LPAR1: variants seen among roughly 807,000 people sequenced by gnomAD.
LPAR1 encodes lysophosphatidic acid receptor 1.
LPAR1 carries 5 observed loss-of-function variants against 23.8 expected under a neutral mutation model. That is an observed-to-expected ratio of 0.21 (90% confidence interval 0.11 to 0.44). LPAR1 has a LOEUF of 0.44. Ranked by LOEUF, LPAR1 falls within the 20% of genes least tolerant of loss-of-function variation. The pLI, the probability that LPAR1 is intolerant of heterozygous loss-of-function variation, is 0.99. For missense variants in LPAR1, 311 were observed against 482.8 expected (o/e 0.64, Z 3.33); for synonymous variants, 160 against 164.7 (o/e 0.97, Z 0.22).
intron 4 of LPAR1, among the ~76,000 whole-genome samples, chr9:110,950,638 T>G (rs1293481213): frequency 6.6e-6 from 1 of 151,590 alleles, no homozygotes; most frequent in East Asian, 1.9e-4. Flanking sequence ...CCTATAAAAA[T>G]ACCAGAAAAA....
intron 2 of LPAR1, among the ~76,000 whole-genome samples, chr9:110,985,430 TTC>T (rs1491360630): frequency 1.2e-5 from 1 of 85,922 alleles, no homozygotes. Flanking sequence ...CTATCATTTT[TTC>T]TACAGGGCAC....
chr9:111,002,437 CTT>C (rs2097144956), intron 2 of LPAR1, among the ~76,000 whole-genome samples: 1 of 152,276 alleles, frequency 6.6e-6, no homozygotes, highest in South Asian at 2.1e-4. Context: ...TTCTAGCTCT[CTT>C]GAGGCAAAAC....
rs145336097 is a variant in LPAR1, at chr9:110,934,018, C to T, written c.793+7403G>A. 4.7e-3 allele frequency among the ~76,000 whole-genome samples: 721 copies of T among 152,342 alleles called. 7 individuals carry two copies. The highest frequency in any genetic ancestry group is 0.016 in the African/African-American group (681 of 41,574). On this transcript the variant is annotated intron_variant, in intron 5 of 5. Transcript: ENST00000683809. ...AAGCACTGTGGGACTTTTGCAAGGA[C>T]TGTCTCCTGGCCACCACCCATGGTG...
chr9:111,035,728 G>T (rs1391322959), intron 2 of LPAR1, among the ~76,000 whole-genome samples: 3 of 152,128 alleles, frequency 2.0e-5, no homozygotes, highest in African/African-American at 7.2e-5. Context: ...TCAAAGAAAA[G>T]GAAGACAGGC....
intron 2 of LPAR1, among the ~76,000 whole-genome samples, chr9:110,986,787 C>G (rs1441967202): frequency 6.6e-6 from 1 of 152,064 alleles, no homozygotes; most frequent in Non-Finnish European, 1.5e-5. Context: ...AGAGAGTTCT[C>G]TTAACAGAGA....
At chr9:110,976,336 C>CAAA (rs11356512) in intron 2 of LPAR1, among the ~76,000 whole-genome samples, 3 of 126,756 alleles carry the variant, frequency 2.4e-5, no homozygotes, top group African/African-American at 3.0e-5. Context: ...ACTAAAAATA[C>CAAA]AAAAAAAAAA....
intron 2 of LPAR1, among the ~76,000 whole-genome samples, chr9:110,979,404 AG>A (rs1297962778): frequency 1.3e-5 from 2 of 152,116 alleles, no homozygotes; most frequent in African/African-American, 4.8e-5. Context: ...AAAAGAGTAA[AG>A]GAAATGGGGT....
intron 2 of LPAR1, among the ~76,000 whole-genome samples, chr9:110,996,380 G>A (rs1244080788): frequency 6.6e-6 from 1 of 151,992 alleles, no homozygotes; most frequent in African/African-American, 2.4e-5. Flanking sequence ...AACATAGCAA[G>A]ATGCCATCTC....
At chr9:110,923,206 T>C (rs2093760976) in intron 5 of LPAR1, among the ~76,000 whole-genome samples, 1 of 152,202 alleles carries the variant, frequency 6.6e-6, no homozygotes, top group Admixed American at 6.5e-5. Context: ...CATGGCAATA[T>C]GATAATCTGA....
intron 2 of LPAR1, among the ~76,000 whole-genome samples, chr9:111,017,151 G>C (rs2097465319): frequency 6.6e-6 from 1 of 152,120 alleles, no homozygotes; most frequent in Non-Finnish European, 1.5e-5. Flanking sequence ...ACAGCAAAAT[G>C]CGTGGCCCTT....
At chr9:110,914,866 C>T (rs897460109) in intron 5 of LPAR1, among the ~76,000 whole-genome samples, 7 of 152,128 alleles carry the variant, frequency 4.6e-5, no homozygotes, top group African/African-American at 1.4e-4. Context: ...TTTTAGCTCT[C>T]GAGCTAAGAC....
intron 4 of LPAR1, among the ~76,000 whole-genome samples, chr9:110,943,726 G>A (rs1247613972): frequency 6.6e-6 from 1 of 151,982 alleles, no homozygotes; most frequent in Non-Finnish European, 1.5e-5. Flanking sequence ...CAGACATGGT[G>A]GTGGGCACCT....
chr9:111,007,762 T>C (rs1169679411), intron 2 of LPAR1, among the ~76,000 whole-genome samples: 1 of 152,158 alleles, frequency 6.6e-6, no homozygotes, highest in East Asian at 1.9e-4. Context: ...CAATCCTACT[T>C]CAAGATGTTT....
At chr9:110,955,391 C>A (rs183387526) in intron 4 of LPAR1, among the ~76,000 whole-genome samples, 2 of 152,200 alleles carry the variant, frequency 1.3e-5, no homozygotes, top group East Asian at 1.9e-4. Context: ...TGTAACAATT[C>A]TAAACATATA....
rs1428092731 is a variant in LPAR1 at position 110,874,287 on chromosome 9, A to G, written c.*1134T>C. On this transcript the variant is annotated 3_prime_UTR_variant, in exon 6 of 6. Coordinates refer to ENST00000683809, the MANE Select transcript of LPAR1 (RefSeq NM_001351411.2). ...TTGCATCCATTAAATGGAATATAATATAGCCATTAAAATTATGTTTTTGTA... is the reference window on the plus strand; with the variant it reads ...TTGCATCCATTAAATGGAATATAATGTAGCCATTAAAATTATGTTTTTGTA... 2 of 152,622 alleles carry G rather than the reference A, an allele frequency of 1.3e-5. No individual in the cohort carries two copies. Among genetic ancestry groups the G allele is most frequent in the Non-Finnish European group, 2.9e-5 (2 of 68,034 alleles). The allele number at this position is 152,622 out of a possible 1,614,324, so 9.5% of individuals were successfully genotyped here.
intron 2 of LPAR1, among the ~76,000 whole-genome samples, chr9:111,012,480 C>A (rs1337087105): frequency 1.3e-5 from 2 of 151,942 alleles, no homozygotes; most frequent in African/African-American, 4.8e-5. Context: ...CACACACACA[C>A]ACACACACAC....
At chr9:110,959,768 G>A (rs1167613215) in intron 4 of LPAR1, among the ~76,000 whole-genome samples, 1 of 152,138 alleles carries the variant, frequency 6.6e-6, no homozygotes, top group African/African-American at 2.4e-5. Flanking sequence ...TTAATGAATG[G>A]ATAAAGAAAA....
chr9:110,895,530 C>A lies in LPAR1; in HGVS notation c.794-19808G>T, dbSNP rs189592691. On this transcript the variant is annotated intron_variant, in intron 5 of 5. Transcript: ENST00000683809. The stretch of plus-strand genomic sequence containing the variant: ...TTGTTTTTTAATGACAGGGCCTGAC[C>A]TAGTTGAGATGTTTGAGGAAAATAG... 4.0e-3 allele frequency among the ~76,000 whole-genome samples: 607 copies of A among 152,260 alleles called. 3 individuals carry two copies. The highest frequency in any genetic ancestry group is 0.014 in the African/African-American group (576 of 41,534).
At chr9:111,038,555 C>G, upstream of LPAR1, 1 of 449,444 alleles carries the variant, frequency 2.2e-6, no homozygotes, top group Non-Finnish European at 4.5e-6. This position sits in a 1 kb window ranked among gnomAD's most constrained non-coding sequence, Gnocchi z 4.4. Flanking sequence ...CTCTCTTCCT[C>G]CGCCTTCCTT....
Sources: gnomAD v4.1 joint callset for allele counts (sites outside exome capture counted in the v4.1 genomes callset) on GRCh38, gnomAD v4.1.1 for gene constraint, Gnocchi (gnomAD v3.1) non-coding constraint, MANE v1.5 for transcripts, NCBI Gene and HGNC (gene_info 2026-07-23, HGNC 2026-07-21) for gene names.